EYS: variants seen among roughly 807,000 people sequenced by gnomAD.
The protein encoded by EYS is protein eyes shut homolog.
A neutral mutation model predicts 282.1 loss-of-function variants in EYS; 250 were observed. That is an observed-to-expected ratio of 0.89 (90% confidence interval 0.80 to 0.98). The LOEUF is 0.98. Among genes scored for constraint, EYS ranks in the 50% least tolerant of loss-of-function variants. The pLI is 0.00. For missense variants in EYS, 4,016 were observed against 3,709.0 expected, an observed-to-expected ratio of 1.08 and a Z score of -2.15; for synonymous variants, 1,355 against 1,282.9, an observed-to-expected ratio of 1.06 and a Z score of -1.20.
At chr6:64,483,539 A>G (rs9444884) in intron 26 of EYS, among the ~76,000 whole-genome samples, 3,244 of 151,740 alleles carry the variant, frequency 0.021, 60 homozygotes, top group African/African-American at 0.053. Context: ...GAATTAGAAT[A>G]CACCTCCTTT....
chr6:65,410,535 ATTTTCCCTC>A (rs1294969156), intron 5 of EYS, among the ~76,000 whole-genome samples: 3 of 144,598 alleles, frequency 2.1e-5, no homozygotes, highest in Non-Finnish European at 4.5e-5. Context: ...ACCTCTACCC[ATTTTCCCTC>A]TTCCTTCCCC....
At chr6:64,843,402 T>A (rs1005656093) in intron 19 of EYS, among the ~76,000 whole-genome samples, 4 of 152,034 alleles carry the variant, frequency 2.6e-5, no homozygotes, top group African/African-American at 9.7e-5. Flanking sequence ...AGCCCGGAGG[T>A]GGGCTATACC....
At chr6:64,195,532 A>T (rs1765258997) in intron 31 of EYS, among the ~76,000 whole-genome samples, 2 of 152,082 alleles carry the variant, frequency 1.3e-5, no homozygotes, top group Non-Finnish European at 2.9e-5. Context: ...CAAACTCCTG[A>T]CCTTGTGATC....
chr6:64,523,692 AG>A (rs1365215808), intron 26 of EYS, among the ~76,000 whole-genome samples: 1 of 151,696 alleles, frequency 6.6e-6, no homozygotes, highest in Non-Finnish European at 1.5e-5. Context: ...AAAGAAAGAA[AG>A]GACTCAGGAA....
chr6:65,113,411 G>A (rs1775274922), intron 12 of EYS, among the ~76,000 whole-genome samples: 1 of 151,740 alleles, frequency 6.6e-6, no homozygotes, highest in African/African-American at 2.4e-5. Flanking sequence ...AATTGTATAG[G>A]TTTATTCCTG....
intron 29 of EYS, among the ~76,000 whole-genome samples, chr6:64,320,036 A>G (rs972617257): frequency 1.3e-5 from 2 of 151,918 alleles, no homozygotes; most frequent in African/African-American, 2.4e-5. Flanking sequence ...AATGTCATTA[A>G]TTCATACTAT....
In EYS at chr6:64,062,639, C is replaced by T. The variant is rs547145664; in HGVS notation, c.6725+3699G>A. Among the ~76,000 whole-genome samples the T allele has an allele frequency of 1.1e-3, 155 of 146,566 alleles. 1 individual carries two copies. The highest frequency in any genetic ancestry group is 1.5e-3 in the Non-Finnish European group (102 of 67,422). On this transcript the variant is annotated intron_variant, in intron 33 of 42. Coordinates refer to ENST00000503581, the MANE Select transcript of EYS (RefSeq NM_001142800.2). ...CCTGGAGGTGGAGGTTGCAGTGAGC[C>T]GAGATCGCACCATTGCACTCCAACC...
intron 31 of EYS, among the ~76,000 whole-genome samples, chr6:64,207,756 C>T (rs776274515): frequency 6.6e-6 from 1 of 152,150 alleles, no homozygotes; most frequent in East Asian, 1.9e-4. Flanking sequence ...CTCCCAAGTT[C>T]AAGCAATTTT....
chr6:65,035,417 T>C (rs937819536), intron 13 of EYS, among the ~76,000 whole-genome samples: 12 of 152,060 alleles, frequency 7.9e-5, no homozygotes, highest in Non-Finnish European at 1.5e-5. Flanking sequence ...CATGATATGA[T>C]TGTATATACA....
At chr6:63,905,263 G>GA (rs1461410707) in intron 35 of EYS, among the ~76,000 whole-genome samples, 1 of 360 alleles carries the variant, frequency 2.8e-3, no homozygotes, top group Admixed American at 0.026. Flanking sequence ...ATGTGGAAAG[G>GA]CCTTTAAATA....
intron 22 of EYS, among the ~76,000 whole-genome samples, chr6:64,802,317 G>T (rs565488283): frequency 1.8e-4 from 28 of 151,910 alleles, no homozygotes; most frequent in Non-Finnish European, 2.8e-4. Context: ...TCCCTAAAGT[G>T]CTGGGATTAC....
At chr6:65,165,880 C>T (rs901184664) in intron 12 of EYS, among the ~76,000 whole-genome samples, 4 of 150,952 alleles carry the variant, frequency 2.6e-5, no homozygotes, top group Admixed American at 6.6e-5. Flanking sequence ...GTGGGTTTAG[C>T]AGGTTCACAG....
At chr6:65,322,546 C>T (rs1765638401) in intron 11 of EYS, among the ~76,000 whole-genome samples, 1 of 151,960 alleles carries the variant, frequency 6.6e-6, no homozygotes, top group Non-Finnish European at 1.5e-5. Flanking sequence ...CCTGTAATCC[C>T]AGCACTTTGG....
chr6:64,043,054 T>C (rs1220422950), intron 33 of EYS, among the ~76,000 whole-genome samples: 1 of 152,234 alleles, frequency 6.6e-6, no homozygotes, highest in Admixed American at 6.5e-5. Context: ...ATTTTTCTTA[T>C]AGAGTTGTTA....
chr6:64,985,099 A>G (rs546432839), intron 14 of EYS, among the ~76,000 whole-genome samples: 3 of 151,490 alleles, frequency 2.0e-5, no homozygotes, highest in Non-Finnish European at 4.4e-5. Flanking sequence ...CAAGCCTTAT[A>G]TGAATAGGTC....
At chr6:64,639,122 C>G (rs1487810212) in intron 22 of EYS, among the ~76,000 whole-genome samples, 1 of 89,046 alleles carries the variant, frequency 1.1e-5, no homozygotes, top group African/African-American at 4.5e-5. Context: ...CTCCTTGTGT[C>G]TTTGCATGGT....
intron 12 of EYS, among the ~76,000 whole-genome samples, chr6:65,099,668 T>C (rs975175473): frequency 6.6e-6 from 1 of 150,706 alleles, no homozygotes; most frequent in Non-Finnish European, 1.5e-5. Flanking sequence ...ATATTAAATG[T>C]GAGATTATAA....
chr6:64,923,335 C>T lies in EYS; in HGVS notation c.2382-10592G>A, dbSNP rs550579508. 9.2e-5 allele frequency among the ~76,000 whole-genome samples: 14 copies of T among 152,256 alleles called. No homozygotes were observed. The South Asian group carries it at 2.9e-3, about 32-fold the overall frequency. On this transcript the variant is annotated intron_variant, in intron 15 of 42. Coordinates refer to ENST00000503581, the MANE Select transcript of EYS (RefSeq NM_001142800.2). The stretch of plus-strand genomic sequence containing the variant: ...CTTAATGACTATCACGAGAATAGCA[C>T]AGGAAAGACCTGCCTCCATGATTCA...
intron 31 of EYS, among the ~76,000 whole-genome samples, chr6:64,165,693 C>T (rs950222948): frequency 6.6e-6 from 1 of 152,104 alleles, no homozygotes; most frequent in African/African-American, 2.4e-5. Flanking sequence ...TTTAACAGGT[C>T]GTTTAATGCT....
Sources: gnomAD v4.1 joint callset for allele counts (sites outside exome capture counted in the v4.1 genomes callset) on GRCh38, gnomAD v4.1.1 for gene constraint, MANE v1.5 for transcripts, NCBI Gene and HGNC (gene_info 2026-07-23, HGNC 2026-07-21) for gene names.